CDH13: variants seen among roughly 807,000 people sequenced by gnomAD.
The protein encoded by CDH13 is cadherin-13.
Under a neutral mutation model 63.8 loss-of-function variants are expected in CDH13, and 24 were observed. The observed-to-expected ratio is 0.38, with a 90% CI of 0.27 to 0.53. The LOEUF (loss-of-function observed/expected upper bound fraction) is 0.53. Ranked by LOEUF, CDH13 falls within the 20% of genes least tolerant of loss-of-function variation. The probability of loss-of-function intolerance (pLI) is 0.85; values close to 1 mark genes in which losing one functional copy is unlikely to be tolerated. For missense variants in CDH13, 1,049 were observed against 903.1 expected (o/e 1.16, Z -2.07); for synonymous variants, 503 against 355.3 (o/e 1.42, Z -4.67).
At chr16:82,865,622 A>G (rs1000196621) in intron 2 of CDH13, among the ~76,000 whole-genome samples, 1 of 152,056 alleles carries the variant, frequency 6.6e-6, no homozygotes, top group Non-Finnish European at 1.5e-5. Context: ...CCATGAGACC[A>G]TTTTTTCCTC....
At chr16:83,146,262 G>C (rs1290113312) in intron 4 of CDH13, among the ~76,000 whole-genome samples, 1 of 152,106 alleles carries the variant, frequency 6.6e-6, no homozygotes, top group Admixed American at 6.5e-5. Context: ...AAGAAGAATG[G>C]ACATTTCAGG....
intron 1 of CDH13, among the ~76,000 whole-genome samples, chr16:82,660,673 A>T (rs1054468466): frequency 6.6e-6 from 1 of 152,182 alleles, no homozygotes; most frequent in Non-Finnish European, 1.5e-5. Flanking sequence ...AAGACCCTAG[A>T]GCAGCTTCAG....
At chr16:83,065,924 A>C (rs1362778895) in intron 3 of CDH13, among the ~76,000 whole-genome samples, 2 of 152,104 alleles carry the variant, frequency 1.3e-5, no homozygotes, top group South Asian at 2.1e-4. Flanking sequence ...TGGCTTTGGG[A>C]CTTAAAAGCA....
chr16:82,742,885 A>C (rs1597453686), intron 1 of CDH13, among the ~76,000 whole-genome samples: 1 of 152,244 alleles, frequency 6.6e-6, no homozygotes, highest in Admixed American at 6.5e-5. Context: ...CATTAAAAAC[A>C]AATTGATTGG....
At chr16:82,921,586 C>A (rs1474637486) in intron 2 of CDH13, among the ~76,000 whole-genome samples, 2 of 152,178 alleles carry the variant, frequency 1.3e-5, no homozygotes, top group Admixed American at 6.5e-5. Context: ...TTGCAGGGCT[C>A]AGGATCTGAC....
chr16:82,984,434 G>A (rs1910681502), intron 2 of CDH13, among the ~76,000 whole-genome samples: 1 of 152,204 alleles, frequency 6.6e-6, no homozygotes, highest in Admixed American at 6.5e-5. Flanking sequence ...TCATCTGAGT[G>A]ATCTTGAATA....
At chr16:83,507,060 G>T (rs2074414231) in intron 7 of CDH13, among the ~76,000 whole-genome samples, 1 of 152,196 alleles carries the variant, frequency 6.6e-6, no homozygotes, top group South Asian at 2.1e-4. Context: ...AATACACATA[G>T]TCTGTTTCAC....
At chr16:83,086,596 A>G (rs1012725484) in intron 3 of CDH13, among the ~76,000 whole-genome samples, 17 of 152,226 alleles carry the variant, frequency 1.1e-4, no homozygotes, top group African/African-American at 4.1e-4. Flanking sequence ...TAACTTTCAA[A>G]GCAAGATATC....
In CDH13 at chr16:83,711,067, C is replaced by A. The variant is rs577912609; in HGVS notation, c.1538+32606C>A. 9.2e-5 allele frequency among the ~76,000 whole-genome samples: 14 copies of A among 152,292 alleles called. No individual in the cohort carries two copies. In the South Asian group the frequency reaches 2.7e-3, roughly 29 times the overall value. ...CCACCAGCAGAGGTGCCTTGCTACA[C>A]GCCACCACCTTGGGGCAGGTGCCAC... is the stretch of plus-strand genomic sequence containing the variant. On this transcript the variant is annotated intron_variant, in intron 10 of 13. Transcript: ENST00000567109.
chr16:83,215,536 T>G (rs1226092505), intron 4 of CDH13, among the ~76,000 whole-genome samples: 1 of 150,230 alleles, frequency 6.7e-6, no homozygotes, highest in Non-Finnish European at 1.5e-5. Context: ...TGAGTGATCC[T>G]GCCAGATGAA....
intron 6 of CDH13, among the ~76,000 whole-genome samples, chr16:83,355,596 A>T (rs967090353): frequency 1.3e-5 from 2 of 152,208 alleles, no homozygotes; most frequent in Admixed American, 6.5e-5. Context: ...GGTTGTATTT[A>T]TTGAAAATGT....
chr16:83,058,505 C>T (rs759250987), intron 3 of CDH13, among the ~76,000 whole-genome samples: 1 of 152,082 alleles, frequency 6.6e-6, no homozygotes, highest in Non-Finnish European at 1.5e-5. Context: ...GTCGTTTATT[C>T]TAACAAATGC....
intron 2 of CDH13, among the ~76,000 whole-genome samples, chr16:82,875,925 A>G (rs1310350405): frequency 1.3e-5 from 2 of 152,228 alleles, no homozygotes; most frequent in African/African-American, 2.4e-5. Flanking sequence ...ACAGTTCCAC[A>G]TGAGTGGGGA....
intron 7 of CDH13, among the ~76,000 whole-genome samples, chr16:83,597,122 C>T (rs953805307): frequency 2.0e-5 from 3 of 152,040 alleles, no homozygotes; most frequent in Non-Finnish European, 4.4e-5. Flanking sequence ...ACTTGGGGTG[C>T]TAAGTTGGGA....
At chr16:82,630,453 C>T (rs1172266335) in intron 1 of CDH13, among the ~76,000 whole-genome samples, 1 of 152,224 alleles carries the variant, frequency 6.6e-6, no homozygotes, top group Non-Finnish European at 1.5e-5. Context: ...GCTGATCGCT[C>T]CTACTCTGCC....
intron 2 of CDH13, among the ~76,000 whole-genome samples, chr16:82,994,439 T>C (rs762671477): frequency 1.1e-4 from 16 of 152,180 alleles, no homozygotes; most frequent in Non-Finnish European, 2.2e-4. Flanking sequence ...TGCTCTGCTC[T>C]TGGCCTAGGG....
At chr16:83,294,523 A>G (rs1236162175) in intron 5 of CDH13, among the ~76,000 whole-genome samples, 2 of 152,114 alleles carry the variant, frequency 1.3e-5, no homozygotes, top group Non-Finnish European at 2.9e-5. Context: ...GTTACTTAAC[A>G]TAATGTCCTC....
At chr16:83,162,868 C>T (rs1349044983) in intron 4 of CDH13, among the ~76,000 whole-genome samples, 2 of 152,030 alleles carry the variant, frequency 1.3e-5, no homozygotes, top group Non-Finnish European at 1.5e-5. Context: ...TGTTGAGATG[C>T]CTAAATCCCC....
chr16:83,216,422 A>ATT (rs1567513956), intron 4 of CDH13, among the ~76,000 whole-genome samples: 1 of 97,554 alleles, frequency 1.0e-5, no homozygotes, highest in African/African-American at 3.8e-5. Flanking sequence ...ATATATATAT[A>ATT]TATATATATA....
Sources: allele counts gnomAD v4.1 joint callset (sites outside exome capture counted in the v4.1 genomes callset), GRCh38; gene constraint gnomAD v4.1.1; transcripts MANE v1.5; gene names NCBI Gene and HGNC (gene_info 2026-07-23, HGNC 2026-07-21).